The following HAGH variants were observed in gnomAD, a reference collection of about 807,000 sequenced individuals.
The protein encoded by HAGH is hydroxyacylglutathione hydrolase, mitochondrial.
A neutral mutation model predicts 35.1 loss-of-function variants in HAGH; 29 were observed. The observed-to-expected ratio is 0.83, with a 90% CI of 0.62 to 1.13. The LOEUF (loss-of-function observed/expected upper bound fraction) is 1.13. Ranked by LOEUF, HAGH falls within the 50% of genes most tolerant of loss-of-function variation. HAGH has a pLI of 0.00. For missense variants in HAGH, 478 were observed against 419.6 expected, an observed-to-expected ratio of 1.14 and a Z score of -1.22; for synonymous variants, 225 against 176.1, an observed-to-expected ratio of 1.28 and a Z score of -2.20.
In HAGH at chr16:1,822,344, C is replaced by G; in HGVS notation, c.270G>C (p.Lys90Asn). 2 of 1,611,856 alleles carry G rather than the reference C, an allele frequency of 1.2e-6. No homozygotes were observed. The highest frequency in any genetic ancestry group is 1.7e-6 in the Non-Finnish European group (2 of 1,179,020). The stretch of plus-strand genomic sequence containing the variant: ...GCACTGTGGTCAGTTTCACCCCGTG[C>G]TTTCTCGCCGCGTCCACGACCTGCA... ...QPQKVVDAARKHGVKLTTVLT... is the reference protein window; with the variant it reads ...QPQKVVDAARNHGVKLTTVLT... Residue 90 changes from lysine to asparagine, a missense_variant, in exon 3 of 9, where the codon AAG (lysine) becomes AAC (asparagine). Coordinates refer to ENST00000397356, the MANE Select transcript of HAGH (RefSeq NM_005326.6).
At chr16:1,814,928 T>TACACACAC (rs758950346) in intron 7 of HAGH, among the ~76,000 whole-genome samples, 20 of 28,124 alleles carry the variant, frequency 7.1e-4, no homozygotes, top group African/African-American at 2.9e-3. Context: ...TATATATGTA[T>TACACACAC]ATACACACAC....
At chr16:1,819,841 CT>C (rs1898067499) in intron 4 of HAGH, 55 bp downstream of exon 4, 3 of 1,077,366 alleles carry the variant, frequency 2.8e-6, no homozygotes, top group African/African-American at 1.6e-5. Context: ...AGGGACCCCC[CT>C]CCCCCACGCT....
chr16:1,819,923 T>C lies in HAGH; in HGVS notation c.406A>G (p.Lys136Glu). The change falls in exon 4 of 9, where the codon AAG (lysine) becomes GAG (glutamate). Residue 136 changes from lysine to glutamate, a missense_variant. Physicochemically the swap from Lys to Glu is moderately conservative, Grantham distance 56. Transcript: ENST00000397356. Reference protein sequence around the residue: ...GDDRIGALTHKITHLSTLQVG... With the variant: ...GDDRIGALTHEITHLSTLQVG... ...TGCAGTGTGGACAGGTGAGTGATCT[T>C]GTGAGTCAGGGCCCCGATACGGTCG... 2.5e-6 allele frequency: 4 copies of C among 1,611,644 alleles called. No homozygotes were observed. Among genetic ancestry groups the C allele is most frequent in the Non-Finnish European group, 3.4e-6 (4 of 1,178,042 alleles).
At chr16:1,826,826 G>T, upstream of HAGH, 5 of 1,196,152 alleles carry the variant, frequency 4.2e-6, no homozygotes, top group South Asian at 3.2e-5. Context: ...GCCCAGGACT[G>T]CAAAACACCG....
intron 1 of HAGH, among the ~76,000 whole-genome samples, chr16:1,824,788 G>A (rs1898321246): frequency 6.6e-6 from 1 of 152,102 alleles, no homozygotes; most frequent in Non-Finnish European, 1.5e-5. Context: ...CAACCAGCTG[G>A]GCATTTTCCA....
chr16:1,821,319 C>A (rs1172463187), intron 3 of HAGH, among the ~76,000 whole-genome samples: 1 of 152,150 alleles, frequency 6.6e-6, no homozygotes, highest in Non-Finnish European at 1.5e-5. Context: ...GGCCAAGCCA[C>A]CAGCACAGCG....
At chr16:1,809,600 C>A (rs913802918) in intron 8 of HAGH, among the ~76,000 whole-genome samples, 154 bp downstream of exon 8, 21 of 152,364 alleles carry the variant, frequency 1.4e-4, no homozygotes, top group Non-Finnish European at 1.5e-5. Flanking sequence ...GCCGGACCCC[C>A]CTCAAGAAGA....
intron 1 of HAGH, among the ~76,000 whole-genome samples, chr16:1,824,772 G>A (rs868061453): frequency 9.2e-5 from 14 of 152,082 alleles, no homozygotes; most frequent in Non-Finnish European, 1.2e-4. Context: ...CCTATTACCC[G>A]CCTGACAACC....
intron 7 of HAGH, chr16:1,810,541 C>T (rs953112425): frequency 6.5e-6 from 1 of 152,756 alleles, no homozygotes; most frequent in African/African-American, 2.4e-5. Context: ...AGATGGTCTC[C>T]CTTCCGACCA....
chr16:1,817,206 C>A lies in HAGH; in HGVS notation c.607G>T (p.Ala203Ser). 1 of 1,613,354 alleles carries A rather than the reference C, an allele frequency of 6.2e-7. No homozygotes were observed. ...YEGTADEMCK[A>S]LLEVLGRLPP... is the part of the protein sequence containing the mutation. ...AGCCGGCCCAAGACCTCCAGCAGAG[C>A]TTTACACATCTCATCCGCAGTCCCT... Residue 203 changes from alanine to serine, a missense_variant, in exon 6 of 9, where the codon GCT becomes TCT. Ala to Ser is a moderately conservative substitution (Grantham distance 99). Coordinates refer to ENST00000397356, the MANE Select transcript of HAGH (RefSeq NM_005326.6).
intron 7 of HAGH, among the ~76,000 whole-genome samples, chr16:1,813,621 T>C (rs542431637): frequency 3.9e-5 from 6 of 152,292 alleles, no homozygotes; most frequent in Admixed American, 1.3e-4. Context: ...AAACACTCAA[T>C]GTTAAGATCG....
chr16:1,819,279 C>T (rs550518212), intron 4 of HAGH, 56 bp from the exon 5 acceptor site: 195 of 1,158,084 alleles, frequency 1.7e-4, no homozygotes, highest in Non-Finnish European at 2.4e-4. Flanking sequence ...AGCCATCTCC[C>T]GGGGTCACGG....
At chr16:1,823,602 G>A (rs941435425) in intron 1 of HAGH, among the ~76,000 whole-genome samples, 1 of 151,518 alleles carries the variant, frequency 6.6e-6, no homozygotes, top group Non-Finnish European at 1.5e-5. Flanking sequence ...AATTAGCCAG[G>A]CATGGTGGTG....
chr16:1,819,982 T>C lies in HAGH; in HGVS notation c.347A>G (p.Lys116Arg). Reference sequence around the variant, plus strand: ...GTACACCTTCAGTCCCGACTCCAGCTTGACCAGTTTCTCATTCCCGCCAGC... The same window carrying C: ...GTACACCTTCAGTCCCGACTCCAGCCTGACCAGTTTCTCATTCCCGCCAGC... The part of the protein sequence containing the change: ...DHAGGNEKLV[K>R]LESGLKVYGG... Residue 116 changes from lysine to arginine, a missense_variant, in exon 4 of 9, where the codon AAG becomes AGG. Coordinates refer to ENST00000397356, the MANE Select transcript of HAGH (RefSeq NM_005326.6). 6.2e-7 allele frequency: 1 copy of C among 1,613,360 alleles called. No individual in the cohort carries two copies. The highest frequency in any genetic ancestry group is 1.1e-5 in the South Asian group (1 of 91,062).
At position 1,809,109 on chromosome 16, in the gene HAGH, G is replaced by A. The variant is rs1897512591; in HGVS notation, c.*174C>T. On this transcript the variant is annotated 3_prime_UTR_variant, in exon 9 of 9. Transcript: ENST00000397356. ...AACAGTCTGCAAGGGGAAGTTATGG[G>A]AATAAATACTTGTTAAACTTCTCTT... 1 of 589,580 alleles carries A rather than the reference G, an allele frequency of 1.7e-6. No homozygotes were observed. 36.5% of individuals were successfully genotyped at this position (589,580 alleles called of 1,614,324 possible).
In HAGH at chr16:1,816,953, C is replaced by G; in HGVS notation, c.687G>C (p.Lys229Asn). Residue 229 changes from lysine to asparagine, a missense_variant, in exon 7 of 9, where the codon AAG becomes AAC. Transcript: ENST00000397356. ...CGHEYTINNL[K>N]FARHVEPGNA... Reference sequence around the variant, plus strand: ...TGCCGGGCTCCACGTGGCGTGCAAACTTGAGGTTGTTGATGGTGTACTCGT... The same window carrying G: ...TGCCGGGCTCCACGTGGCGTGCAAAGTTGAGGTTGTTGATGGTGTACTCGT... The G allele has an allele frequency of 6.2e-7, 1 of 1,613,976 alleles. No individual in the cohort carries two copies. The highest frequency in any genetic ancestry group is 8.5e-7 in the Non-Finnish European group (1 of 1,179,852).
chr16:1,815,196 A>C lies in HAGH; in HGVS notation c.747+1697T>G, dbSNP rs953144244. On this transcript the variant is annotated intron_variant, in intron 7 of 8. Transcript: ENST00000397356. The stretch of plus-strand genomic sequence containing the variant: ...ATGGCAAAAATTGGAGAGACCGACA[A>C]CACCAAGCAGTGCTGGCACAGCATG... Among the ~76,000 whole-genome samples the C allele has an allele frequency of 5.9e-5, 9 of 152,310 alleles. No homozygotes were observed. In the East Asian group the frequency reaches 1.7e-3, roughly 29 times the overall value.
rs758965361 is a variant in HAGH, at chr16:1,816,977, G to T, written c.663C>A (p.His221Gln). 10 of 1,611,688 alleles carry T rather than the reference G, an allele frequency of 6.2e-6. No individual in the cohort carries two copies. Among genetic ancestry groups the T allele is most frequent in the Non-Finnish European group, 8.5e-6 (10 of 1,177,750 alleles). ...LPPDTRVYCG[H>Q]EYTINNLKFA... ...ACTTGAGGTTGTTGATGGTGTACTC[G>T]TGGCCACAGTAGACTCTCTGAGGAG... The change falls in exon 7 of 9, where the codon CAC becomes CAA. Residue 221 changes from histidine (H) to glutamine (Q), a missense_variant. His to Gln is a conservative substitution (Grantham distance 24). Transcript: ENST00000397356.
intron 5 of HAGH, among the ~76,000 whole-genome samples, chr16:1,817,793 C>T (rs1383035839): frequency 2.0e-5 from 3 of 152,240 alleles, no homozygotes; most frequent in Non-Finnish European, 4.4e-5. Context: ...CCCACCCCAT[C>T]ACTGCCCAGG....
Sources: gnomAD v4.1 joint callset for allele counts (sites outside exome capture counted in the v4.1 genomes callset) on GRCh38, gnomAD v4.1.1 for gene constraint, MANE v1.5 for transcripts, NCBI Gene and HGNC (gene_info 2026-07-23, HGNC 2026-07-21) for gene names.